Variants in AFAP1L1 observed in about 807,000 individuals in gnomAD.
AFAP1L1 encodes actin filament associated protein 1 like 1.
A neutral mutation model predicts 99.8 loss-of-function variants in AFAP1L1; 77 were observed. The observed-to-expected ratio is 0.77, with a 90% CI of 0.64 to 0.93. AFAP1L1 has a LOEUF of 0.93. AFAP1L1 is among the 40% of genes least tolerant of loss of function. The pLI, the probability that AFAP1L1 is intolerant of heterozygous loss-of-function variation, is 0.00. For missense variants in AFAP1L1, 893 were observed against 996.8 expected (o/e 0.90, Z 1.40); for synonymous variants, 373 against 395.3 (o/e 0.94, Z 0.67).
intron 15 of AFAP1L1, among the ~76,000 whole-genome samples, chr5:149,327,880 A>T (rs1757140965): frequency 6.6e-6 from 1 of 152,248 alleles, no homozygotes; most frequent in Non-Finnish European, 1.5e-5. Context: ...CATAAAAAAT[A>T]TTCAAATAAT....
chr5:149,295,124 C>T (rs1345758851), intron 1 of AFAP1L1, among the ~76,000 whole-genome samples: 2 of 152,218 alleles, frequency 1.3e-5, no homozygotes, highest in Non-Finnish European at 2.9e-5. Flanking sequence ...TGCTGCCTGC[C>T]AGATCCGTTC....
Position 149,311,300 on chromosome 5 carries a change from C to T in AFAP1L1, c.928-812C>T, listed in dbSNP as rs542955259. 3.5e-4 allele frequency among the ~76,000 whole-genome samples: 54 copies of T among 152,242 alleles called. No homozygotes were observed. The South Asian group carries it at 0.011, about 30-fold the overall frequency. ...GCCTGTTGGGGGAGCCTGTACCCTCCACGAGCTGGTTGGGTCGGCAGACGA... is the reference window on the plus strand; with the variant it reads ...GCCTGTTGGGGGAGCCTGTACCCTCTACGAGCTGGTTGGGTCGGCAGACGA... On this transcript the variant is annotated intron_variant, in intron 8 of 18. Transcript: ENST00000296721.
intron 1 of AFAP1L1, among the ~76,000 whole-genome samples, chr5:149,286,395 G>A (rs1327189218): frequency 2.6e-5 from 4 of 152,138 alleles, no homozygotes; most frequent in Admixed American, 2.6e-4. Context: ...CCAGGGTAGG[G>A]TCTCAGATAT....
rs373211982 is a variant in AFAP1L1 at position 149,312,067 on chromosome 5, C to G, written c.928-45C>G. On this transcript the variant is annotated intron_variant, in intron 8 of 18. Transcript: ENST00000296721. Reference sequence around the variant, plus strand: ...AGTCCCCATTCTTCCTTTGCATCAACAGCTTCCCTGCCCACCCGTTCACAG... The same window carrying G: ...AGTCCCCATTCTTCCTTTGCATCAAGAGCTTCCCTGCCCACCCGTTCACAG... 37 of 1,569,350 alleles carry G rather than the reference C, an allele frequency of 2.4e-5. No individual in the cohort carries two copies. In the African/African-American group the frequency reaches 3.5e-4, roughly 15 times the overall value.
chr5:149,308,452 C>T (rs1297219298), intron 7 of AFAP1L1, among the ~76,000 whole-genome samples: 1 of 152,106 alleles, frequency 6.6e-6, no homozygotes, highest in African/African-American at 2.4e-5. Flanking sequence ...CGTTCTATTA[C>T]TTGCTTTTTT....
At chr5:149,302,328 G>T in intron 4 of AFAP1L1, 90 bp from the exon 5 acceptor site, 1 of 852,138 alleles carries the variant, frequency 1.2e-6, no homozygotes, top group Non-Finnish European at 1.8e-6. Context: ...ACTGCCTCCT[G>T]CCTTCTGCGA....
At position 149,275,161 on chromosome 5, in the gene AFAP1L1, G is replaced by A. The variant is rs78559781; in HGVS notation, c.16+3177G>A. ...GTGGCTCCTCTCAGAACAACCCATA[G>A]GATGGGGCCTATGAGCTGGGACTAT... On this transcript the variant is annotated intron_variant, in intron 1 of 18. Coordinates refer to ENST00000296721, the MANE Select transcript of AFAP1L1 (RefSeq NM_152406.4). Among the ~76,000 whole-genome samples the A allele has an allele frequency of 2.0e-3, 302 of 152,340 alleles. 1 individual carries two copies. The highest frequency in any genetic ancestry group is 6.9e-3 in the African/African-American group (288 of 41,580).
intron 1 of AFAP1L1, 65 bp from the exon 2 acceptor site, chr5:149,299,444 C>G: frequency 6.3e-7 from 1 of 1,589,380 alleles, no homozygotes; most frequent in Non-Finnish European, 8.6e-7. Flanking sequence ...GGTGGGGGGC[C>G]GAACTCCCGG....
intron 1 of AFAP1L1, among the ~76,000 whole-genome samples, chr5:149,280,342 A>G (rs1320005983): frequency 6.6e-6 from 1 of 152,160 alleles, no homozygotes. Context: ...AGCCTGCCTT[A>G]AGGACCACTC....
At chr5:149,324,719 G>GCC (rs1212780307) in intron 15 of AFAP1L1, among the ~76,000 whole-genome samples, 1 of 152,160 alleles carries the variant, frequency 6.6e-6, no homozygotes, top group African/African-American at 2.4e-5. Flanking sequence ...GGCTTGACAG[G>GCC]CTGAAGGATC....
chr5:149,289,798 G>C (rs1755795649), intron 1 of AFAP1L1, among the ~76,000 whole-genome samples: 1 of 152,230 alleles, frequency 6.6e-6, no homozygotes, highest in Non-Finnish European at 1.5e-5. Flanking sequence ...GCTCTGCGGA[G>C]TAAACCCAGA....
intron 14 of AFAP1L1, among the ~76,000 whole-genome samples, chr5:149,322,394 C>T (rs1204206595): frequency 1.3e-5 from 2 of 152,166 alleles, no homozygotes; most frequent in Non-Finnish European, 2.9e-5. Flanking sequence ...TTAGGGTTGC[C>T]TTCTGCTGCC....
At chr5:149,324,250 G>T (rs1265992963) in intron 15 of AFAP1L1, among the ~76,000 whole-genome samples, 1 of 152,184 alleles carries the variant, frequency 6.6e-6, no homozygotes, top group Non-Finnish European at 1.5e-5. Context: ...ATTTCTCATT[G>T]TTCTGGAGGC....
chr5:149,309,825 T>G (rs1036259830), intron 7 of AFAP1L1, 131 bp from the exon 8 acceptor site: 5 of 1,108,844 alleles, frequency 4.5e-6, no homozygotes, highest in Admixed American at 4.2e-5. Context: ...CCTCACACAG[T>G]GCCCATGGCT....
chr5:149,313,143 A>G (rs1381217290), intron 9 of AFAP1L1, among the ~76,000 whole-genome samples: 1 of 150,852 alleles, frequency 6.6e-6, no homozygotes, highest in East Asian at 1.9e-4. Flanking sequence ...AAAAAAAAAG[A>G]GAAGGAGCGT....
chr5:149,299,623 T>A lies in AFAP1L1; in HGVS notation c.131T>A (p.Leu44Gln). Residue 44 changes from leucine (L) to glutamine (Q), a missense_variant, in exon 2 of 19, where the codon CTG (leucine) becomes CAG (glutamine). By Grantham distance (113) the Leu-to-Gln change is moderately radical. Coordinates refer to ENST00000296721, the MANE Select transcript of AFAP1L1 (RefSeq NM_152406.4). ...KMAVASILQS[L>Q]QPLPAKEVSY... ...GCCGTGGCCTCCATCCTGCAGAGCC[T>A]GCAGCCCCTTCCAGGTTAGCCGCCA... 2 of 1,614,140 alleles carry A rather than the reference T, an allele frequency of 1.2e-6. No homozygotes were observed. The highest frequency in any genetic ancestry group is 3.3e-4 in the Middle Eastern group (2 of 6,058).
intron 1 of AFAP1L1, among the ~76,000 whole-genome samples, chr5:149,297,971 A>G (rs534573491): frequency 1.1e-3 from 171 of 152,316 alleles, no homozygotes; most frequent in African/African-American, 3.9e-3. Context: ...TCTCACAGCC[A>G]CCCTATGAGG....
At chr5:149,292,192 T>C (rs1368597125) in intron 1 of AFAP1L1, among the ~76,000 whole-genome samples, 1 of 152,190 alleles carries the variant, frequency 6.6e-6, no homozygotes, top group Non-Finnish European at 1.5e-5. Context: ...CAATACAGGG[T>C]TTATTATTCT....
At chr5:149,312,541 G>A (rs1756668300) in intron 9 of AFAP1L1, among the ~76,000 whole-genome samples, 1 of 152,180 alleles carries the variant, frequency 6.6e-6, no homozygotes, top group Admixed American at 6.5e-5. Context: ...CAGCACTTTG[G>A]GAGGCCAAGG....
Sources: gnomAD v4.1 joint callset for allele counts (sites outside exome capture counted in the v4.1 genomes callset) on GRCh38, gnomAD v4.1.1 for gene constraint, MANE v1.5 for transcripts, NCBI Gene and HGNC (gene_info 2026-07-23, HGNC 2026-07-21) for gene names.